Variants in RTL4 observed in about 807,000 individuals in gnomAD.
The protein encoded by RTL4 is retrotransposon Gag-like protein 4.
RTL4 carries 4 observed loss-of-function variants against 5.3 expected under a neutral mutation model. The ratio of observed to expected loss-of-function variants is 0.75; its 90% CI spans 0.37 to 1.72. RTL4 has a LOEUF of 1.72. RTL4 is among the 40% of genes most tolerant of loss of function. The probability of loss-of-function intolerance (pLI) is 0.04; values close to 1 mark genes in which losing one functional copy is unlikely to be tolerated. For synonymous variants in RTL4, 98 were observed against 87.3 expected, an observed-to-expected ratio of 1.12 and a Z score of -0.68; for missense variants, 260 against 227.1, an observed-to-expected ratio of 1.14 and a Z score of -0.93.
At chrX:112,350,457 A>G in the RTL4 span, among the ~76,000 whole-genome samples, 4 of 109,402 alleles carry the variant, frequency 3.7e-5, no homozygotes, top group African/African-American at 1.3e-4. Flanking sequence ...TCCTCCTTGT[A>G]CCTCTGGTAG....
exon 1 of RTL4, chrX:112,455,682 T>G: frequency 3.4e-6 from 4 of 1,166,360 alleles, no homozygotes; most frequent in Non-Finnish European, 4.6e-6. Flanking sequence ...GGAAAGTCAC[T>G]TTTTAAACTT....
At chrX:112,175,021 T>C in the RTL4 span, among the ~76,000 whole-genome samples, 86 of 87,355 alleles carry the variant, frequency 9.8e-4, 1 homozygote, top group African/African-American at 3.1e-3. Flanking sequence ...TTCTCCCATT[T>C]TGTAGGTTGC....
At chrX:112,436,229 A>C in the RTL4 span, among the ~76,000 whole-genome samples, 1 of 109,784 alleles carries the variant, frequency 9.1e-6, no homozygotes, top group Non-Finnish European at 1.9e-5. Flanking sequence ...AACAAAACAA[A>C]AAAAAAAAAC....
the RTL4 span, among the ~76,000 whole-genome samples, chrX:112,270,173 A>G: frequency 2.9e-4 from 33 of 112,236 alleles, no homozygotes; most frequent in African/African-American, 9.7e-4. Flanking sequence ...CATTGAGGTC[A>G]TATCTACCAG....
the RTL4 span, among the ~76,000 whole-genome samples, chrX:112,283,545 A>G: frequency 9.0e-6 from 1 of 111,528 alleles, no homozygotes; most frequent in Non-Finnish European, 1.9e-5. Flanking sequence ...CAACAGGATC[A>G]GAGGCTTATT....
At chrX:112,164,690 C>T in the RTL4 span, among the ~76,000 whole-genome samples, 2 of 111,825 alleles carry the variant, frequency 1.8e-5, no homozygotes, top group Non-Finnish European at 3.8e-5. Context: ...AATGTGCTTC[C>T]AGCCTACTCT....
the RTL4 span, among the ~76,000 whole-genome samples, chrX:112,249,159 T>G: frequency 3.6e-5 from 4 of 112,277 alleles, no homozygotes; most frequent in Non-Finnish European, 7.5e-5. Context: ...ACAGTCTTAT[T>G]TTTTCACATT....
At chrX:112,189,890 T>TAACAAC in the RTL4 span, among the ~76,000 whole-genome samples, 1 of 111,674 alleles carries the variant, frequency 9.0e-6, no homozygotes, top group African/African-American at 3.3e-5. Context: ...CTCACCCAAA[T>TAACAAC]AACAACAACA....
At chrX:112,264,462 A>G in the RTL4 span, among the ~76,000 whole-genome samples, 44 of 112,267 alleles carry the variant, frequency 3.9e-4, no homozygotes, top group Admixed American at 6.6e-4. Context: ...AGTGCTTTCT[A>G]AGTGACAGAC....
the RTL4 span, among the ~76,000 whole-genome samples, chrX:112,190,196 C>CTT: frequency 2.1e-5 from 2 of 94,645 alleles, no homozygotes; most frequent in African/African-American, 4.2e-5. Context: ...TTCTTTCTTT[C>CTT]TTTCTTTCTT....
the RTL4 span, among the ~76,000 whole-genome samples, chrX:112,309,672 T>C: frequency 9.3e-6 from 1 of 107,704 alleles, no homozygotes; most frequent in Non-Finnish European, 1.9e-5. Context: ...GTAGAGACAG[T>C]GTTTCACCAT....
At chrX:112,171,586 G>C in the RTL4 span, among the ~76,000 whole-genome samples, 1 of 111,437 alleles carries the variant, frequency 9.0e-6, no homozygotes, top group African/African-American at 3.3e-5. Flanking sequence ...GTATATCTGT[G>C]GGGTCAGTGG....
the RTL4 span, among the ~76,000 whole-genome samples, chrX:112,202,476 G>A: frequency 9.1e-6 from 1 of 109,702 alleles, no homozygotes; most frequent in African/African-American, 3.3e-5. Context: ...TTAGTTATCT[G>A]AGATAAATGC....
the RTL4 span, among the ~76,000 whole-genome samples, chrX:112,232,540 A>T: frequency 1.8e-5 from 2 of 112,033 alleles, no homozygotes; most frequent in Non-Finnish European, 3.8e-5. Flanking sequence ...CAGAATTACC[A>T]GTTGCCTTTA....
chrX:112,112,530 C>T, the RTL4 span, among the ~76,000 whole-genome samples: 1 of 112,325 alleles, frequency 8.9e-6, no homozygotes, highest in East Asian at 2.8e-4. Flanking sequence ...CCTGGTTCCT[C>T]TGGCTAAGAT....
At chrX:112,227,546 T>A in the RTL4 span, among the ~76,000 whole-genome samples, 1 of 111,589 alleles carries the variant, frequency 9.0e-6, no homozygotes, top group Admixed American at 9.5e-5. Flanking sequence ...TGCCAGTGGA[T>A]AGCCTACCCT....
the RTL4 span, among the ~76,000 whole-genome samples, chrX:112,303,012 G>A: frequency 5.4e-5 from 6 of 111,797 alleles, no homozygotes; most frequent in East Asian, 2.8e-4. Context: ...CTTGGCTCCC[G>A]ATGCCTTGTG....
the RTL4 span, among the ~76,000 whole-genome samples, chrX:112,256,048 G>A: frequency 1.8e-5 from 2 of 111,631 alleles, no homozygotes; most frequent in Non-Finnish European, 3.8e-5. Context: ...AAAATGCCAC[G>A]ATATAATTCA....
the RTL4 span, among the ~76,000 whole-genome samples, chrX:112,160,412 TC>T: frequency 8.9e-6 from 1 of 112,190 alleles, no homozygotes; most frequent in African/African-American, 3.2e-5. Flanking sequence ...ATTTATTCAT[TC>T]CACAAGCTTT....
Sources: gnomAD v4.1 joint callset for allele counts (sites outside exome capture counted in the v4.1 genomes callset) on GRCh38, gnomAD v4.1.1 for gene constraint, MANE v1.5 for transcripts, NCBI Gene and HGNC (gene_info 2026-07-23, HGNC 2026-07-21) for gene names.